BRD1: variants seen among roughly 807,000 people sequenced by gnomAD.
BRD1 encodes bromodomain containing 1, also known as bromodomain-containing protein 1.
In BRD1, 24 loss-of-function variants were observed where a neutral mutation model predicts 107.7. The observed-to-expected ratio is 0.22, with a 90% CI of 0.16 to 0.31. BRD1 has a LOEUF of 0.31. Among genes scored for constraint, BRD1 ranks in the 10% least tolerant of loss-of-function variants. BRD1 has a pLI of 1.00. For missense variants in BRD1, 1,279 were observed against 1,638.6 expected (o/e 0.78, Z 3.79); for synonymous variants, 744 against 686.1 (o/e 1.08, Z -1.32).
Position 49,823,921 on chromosome 22 carries a change from G to A in BRD1, c.397C>T (p.Pro133Ser), listed in dbSNP as rs779139365. 2.5e-6 allele frequency: 4 copies of A among 1,614,112 alleles called. No individual in the cohort carries two copies. The African/African-American group carries it at 4.0e-5, about 16-fold the overall frequency. The change falls in exon 2 of 13, where the codon CCC becomes TCC. Residue 133 changes from proline to serine, a missense_variant. By Grantham distance (74) the Pro-to-Ser change is moderately conservative (BLOSUM62 -1). Around this residue, in one of 7 missense-constraint regions of BRD1, gnomAD observed 223 missense variants for 263.5 expected, o/e 0.85. Coordinates refer to ENST00000404760, the MANE Select transcript of BRD1 (RefSeq NM_001304808.3). The stretch of plus-strand genomic sequence containing the variant: ...TTGTAGTACACAGGAGGCCTCCTGG[G>A]GGCGGACGGAGGGCTGTACTCCACG... ...RIVEYSPPSA[P>S]RRPPVYYKFI...
At chr22:49,796,077 T>C (rs2059524649) in intron 6 of BRD1, among the ~76,000 whole-genome samples, 1 of 149,854 alleles carries the variant, frequency 6.7e-6, no homozygotes, top group East Asian at 1.9e-4. Flanking sequence ...AGAATAAAAA[T>C]ATATTTCCAT....
chr22:49,792,427 G>A lies in BRD1; in HGVS notation c.2359+1607C>T, dbSNP rs370481708. ...GGCTGCGGGACCAGGCACCAGCCTG[G>A]ACTCCTGGGCACAATGGGGCGGCCC... On this transcript the variant is annotated intron_variant, in intron 7 of 12. Coordinates refer to ENST00000404760, the MANE Select transcript of BRD1 (RefSeq NM_001304808.3). The surrounding 1 kb of genome is among the most constrained non-coding windows in gnomAD (Gnocchi z 4.2). Among the ~76,000 whole-genome samples, 31 of 152,320 alleles carry A rather than the reference G, an allele frequency of 2.0e-4. 2 individuals are homozygous for A. The East Asian group carries it at 3.1e-3, about 15-fold the overall frequency.
intron 2 of BRD1, among the ~76,000 whole-genome samples, chr22:49,808,179 C>T (rs1289707162): frequency 1.3e-5 from 2 of 152,202 alleles, no homozygotes; most frequent in African/African-American, 2.4e-5. Context: ...ATCCCACTTC[C>T]GGGTATACAC....
intron 8 of BRD1, among the ~76,000 whole-genome samples, chr22:49,781,860 C>A (rs1393710507): frequency 6.6e-6 from 1 of 152,290 alleles, no homozygotes; most frequent in Non-Finnish European, 1.5e-5. Context: ...TCCAACAGCA[C>A]CCTGCTCTTG....
intron 1 of BRD1, chr22:49,826,054 G>A (rs773894325): frequency 1.9e-6 from 1 of 518,500 alleles, no homozygotes; most frequent in Non-Finnish European, 2.5e-6. Flanking sequence ...GCCCTGCAGA[G>A]GTGACACCAC....
chr22:49,794,275 G>T lies in BRD1; in HGVS notation c.2118C>A (p.Pro706=), dbSNP rs150570710. 972 of 1,611,826 alleles carry T rather than the reference G, an allele frequency of 6.0e-4. 3 individuals carry two copies. The highest frequency in any genetic ancestry group is 7.3e-4 in the Non-Finnish European group (865 of 1,178,714). The change falls in exon 7 of 13, where the codon CCC becomes CCA. Residue 706 remains proline, a synonymous_variant. Coordinates refer to ENST00000404760, the MANE Select transcript of BRD1 (RefSeq NM_001304808.3). ...CCAGGCCCAGGTGGGCTCTGTTGGC[G>T]GGGTCCAGCAACCTGTCCACTGAAC... ...SWEDVDRLLD[P]ANRAHLGLEE...
At chr22:49,811,114 A>T (rs1043467310) in intron 2 of BRD1, among the ~76,000 whole-genome samples, 6 of 152,214 alleles carry the variant, frequency 3.9e-5, no homozygotes, top group African/African-American at 1.4e-4. Flanking sequence ...TGGACCTTGG[A>T]AACATGCTCA....
chr22:49,779,843 C>T (rs2059170979), intron 8 of BRD1, among the ~76,000 whole-genome samples: 2 of 152,090 alleles, frequency 1.3e-5, no homozygotes, highest in Non-Finnish European at 1.5e-5. Flanking sequence ...CAGCAGTGGA[C>T]GGACGGAGCC....
At chr22:49,779,030 A>C (rs1231016764) in intron 8 of BRD1, among the ~76,000 whole-genome samples, 1 of 152,172 alleles carries the variant, frequency 6.6e-6, no homozygotes, top group Admixed American at 6.5e-5. Flanking sequence ...AAAATTTTTA[A>C]ATCTATTTCC....
intron 11 of BRD1, 31 bp from the exon 12 acceptor site, chr22:49,775,776 T>C (rs760086149): frequency 6.3e-7 from 1 of 1,588,738 alleles, no homozygotes; most frequent in Non-Finnish European, 8.6e-7. Context: ...GAGGTCATTG[T>C]GAGGCTCACA....
chr22:49,786,020 T>C (rs1445168998), intron 8 of BRD1, among the ~76,000 whole-genome samples: 1 of 152,158 alleles, frequency 6.6e-6, no homozygotes, highest in Non-Finnish European at 1.5e-5. Flanking sequence ...TGAGGCTCCA[T>C]GACACAGGAC....
intron 3 of BRD1, among the ~76,000 whole-genome samples, chr22:49,801,136 G>A (rs2059632595): frequency 6.6e-6 from 1 of 152,364 alleles, no homozygotes; most frequent in East Asian, 1.9e-4. Context: ...CACTGGGAAA[G>A]CTGCAGGATG....
chr22:49,777,646 C>T (rs760964767), intron 9 of BRD1, 32 bp downstream of exon 9: 35 of 1,592,448 alleles, frequency 2.2e-5, no homozygotes, highest in Non-Finnish European at 2.9e-5. Flanking sequence ...CTGGGAGCTG[C>T]GTGGTGGGAA....
chr22:49,827,149 G>A (rs141185859), intron 1 of BRD1, among the ~76,000 whole-genome samples: 1,516 of 151,398 alleles, frequency 0.01, 19 homozygotes, highest in African/African-American at 0.035. Flanking sequence ...GACCCGACTC[G>A]AGCGCGGACT....
At chr22:49,812,957 G>A (rs1156410090) in intron 2 of BRD1, among the ~76,000 whole-genome samples, 1 of 152,206 alleles carries the variant, frequency 6.6e-6, no homozygotes, top group Non-Finnish European at 1.5e-5. Context: ...CTGAGGCTCA[G>A]CACAAAGCTG....
intron 6 of BRD1, 62 bp from the exon 7 acceptor site, chr22:49,794,356 C>T (rs1169755420): frequency 6.5e-7 from 1 of 1,539,936 alleles, no homozygotes; most frequent in African/African-American, 1.4e-5. Flanking sequence ...GAACACATCA[C>T]CGGTCCCGTC....
At chr22:49,814,636 T>G (rs910379992) in intron 2 of BRD1, among the ~76,000 whole-genome samples, 4 of 152,206 alleles carry the variant, frequency 2.6e-5, no homozygotes, top group Non-Finnish European at 2.9e-5. Flanking sequence ...TTTGTGAATA[T>G]TTTGTAAATT....
At chr22:49,793,930 CG>C (rs1405902501) in intron 7 of BRD1, 103 bp downstream of exon 7, 2 of 1,464,658 alleles carry the variant, frequency 1.4e-6, no homozygotes, top group Non-Finnish European at 1.8e-6. Context: ...CCTGAGCCTC[CG>C]TGCACACCAA....
intron 7 of BRD1, among the ~76,000 whole-genome samples, chr22:49,788,998 T>G (rs1316804404): frequency 6.6e-6 from 1 of 152,238 alleles, no homozygotes; most frequent in Non-Finnish European, 1.5e-5. Flanking sequence ...GAGCAATGTT[T>G]TGAGGCTGAA....
Sources: gnomAD v4.1 joint callset for allele counts (sites outside exome capture counted in the v4.1 genomes callset) on GRCh38, gnomAD v4.1.1 for gene constraint, gnomAD v4.1.1 regional missense constraint, Gnocchi (gnomAD v3.1) non-coding constraint, MANE v1.5 for transcripts, NCBI Gene and HGNC (gene_info 2026-07-23, HGNC 2026-07-21) for gene names.